Variants in SEL1L3 observed in about 807,000 individuals in gnomAD.
SEL1L3 encodes the protein protein sel-1 homolog 3.
Under a neutral mutation model 142.8 loss-of-function variants are expected in SEL1L3, and 76 were observed. That is an observed-to-expected ratio of 0.53 (90% CI 0.44 to 0.64). The LOEUF (loss-of-function observed/expected upper bound fraction) is 0.64, where lower values mean the gene tolerates loss of function less well. SEL1L3 is among the 30% of genes least tolerant of loss of function. The pLI is 0.00. For synonymous variants in SEL1L3, 504 were observed against 519.6 expected (o/e 0.97, Z 0.41); for missense variants, 1,262 against 1,381.7 (o/e 0.91, Z 1.37).
intron 23 of SEL1L3, chr4:25,756,514 G>A (rs1223639283): frequency 2.0e-6 from 2 of 979,762 alleles, no homozygotes; most frequent in Non-Finnish European, 2.4e-6. Flanking sequence ...TTCATTTTAT[G>A]TTCCTAGGAA....
intron 23 of SEL1L3, among the ~76,000 whole-genome samples, chr4:25,749,103 T>C (rs1460783764): frequency 6.6e-6 from 1 of 152,210 alleles, no homozygotes; most frequent in Non-Finnish European, 1.5e-5. Context: ...AAGCCTCATT[T>C]ATCTGCTGCT....
At chr4:25,826,599 G>A (rs1189509763) in intron 6 of SEL1L3, among the ~76,000 whole-genome samples, 1 of 152,104 alleles carries the variant, frequency 6.6e-6, no homozygotes, top group Non-Finnish European at 1.5e-5. Context: ...GGTCTCAGGA[G>A]TACAGGCAGG....
In SEL1L3 at chr4:25,757,702, G is replaced by T; in HGVS notation, c.3172C>A (p.Leu1058Met). The change falls in exon 22 of 24, where the codon CTG becomes ATG. Residue 1058 changes from leucine (L) to methionine (M), a missense_variant. By Grantham distance (15) the Leu-to-Met change is conservative. This residue lies in a region of SEL1L3 where 138 missense variants were observed against 129.7 expected (regional missense o/e 1.06). Transcript: ENST00000399878. ...ATGAAACCTACCAGGGCTGAGTGCA[G>T]GATAGCACCCCAGAGAAGCCGCAAG... The part of the protein sequence containing the change: ...LHLRLLWGAI[L>M]HSALIYFLGT... 6.3e-7 allele frequency: 1 copy of T among 1,593,706 alleles called. No individual in the cohort carries two copies. Among genetic ancestry groups the T allele is most frequent in the East Asian group, 2.3e-5 (1 of 43,846 alleles).
chr4:25,783,519 T>C (rs1332617261), intron 14 of SEL1L3, among the ~76,000 whole-genome samples: 1 of 152,242 alleles, frequency 6.6e-6, no homozygotes, highest in Admixed American at 6.5e-5. Context: ...TGTCTAGGTG[T>C]AGATTTACGG....
chr4:25,763,405 C>CCATTTA (rs1379351609), intron 20 of SEL1L3, among the ~76,000 whole-genome samples: 2 of 152,118 alleles, frequency 1.3e-5, no homozygotes, highest in Non-Finnish European at 2.9e-5. Flanking sequence ...CTTATTACCC[C>CCATTTA]CATTTACATT....
intron 12 of SEL1L3, among the ~76,000 whole-genome samples, chr4:25,789,078 G>T (rs1438633174): frequency 6.6e-6 from 1 of 152,136 alleles, no homozygotes; most frequent in African/African-American, 2.4e-5. Context: ...GTACTAGAAA[G>T]ACTGCAGACC....
Position 25,767,730 on chromosome 4 carries a change from A to G in SEL1L3, c.2760+10T>C. ...AGAGCTTCTACTCTGAGAAGAATACATTTACTTACTGGCCTCTCCTCACAG... is the reference window on the plus strand; with the variant it reads ...AGAGCTTCTACTCTGAGAAGAATACGTTTACTTACTGGCCTCTCCTCACAG... On this transcript the variant is annotated intron_variant, in intron 18 of 23. Transcript: ENST00000399878. 1 of 1,551,772 alleles carries G rather than the reference A, an allele frequency of 6.4e-7. No individual in the cohort carries two copies. Among genetic ancestry groups the G allele is most frequent in the African/African-American group, 1.4e-5 (1 of 73,764 alleles).
chr4:25,841,806 A>G (rs1238006261), intron 2 of SEL1L3, among the ~76,000 whole-genome samples: 1 of 152,158 alleles, frequency 6.6e-6, no homozygotes, highest in African/African-American at 2.4e-5. Context: ...CTGAAAATAC[A>G]AAAATTAGCT....
chr4:25,759,798 A>G (rs6819080), intron 20 of SEL1L3: 122,210 of 152,126 alleles, frequency 0.8, 49,494 homozygotes, highest in East Asian at 1. Flanking sequence ...CCTCCATCAC[A>G]AGCCGAGCAG....
intron 14 of SEL1L3, among the ~76,000 whole-genome samples, chr4:25,782,775 C>G (rs1208563262): frequency 6.6e-6 from 1 of 152,144 alleles, no homozygotes; most frequent in African/African-American, 2.4e-5. Context: ...GAACGCTCAA[C>G]TGAGGCCTGA....
intron 17 of SEL1L3, among the ~76,000 whole-genome samples, chr4:25,768,088 T>G (rs774789516): frequency 6.6e-6 from 1 of 152,182 alleles, no homozygotes; most frequent in Non-Finnish European, 1.5e-5. Context: ...GAAGGGCATG[T>G]CGGATGTTGG....
intron 20 of SEL1L3, among the ~76,000 whole-genome samples, chr4:25,761,112 T>C (rs1251278451): frequency 2.6e-5 from 4 of 152,182 alleles, no homozygotes; most frequent in Non-Finnish European, 5.9e-5. Context: ...AAATAGACTA[T>C]TTCTGCACTC....
chr4:25,730,347 A>T, the SEL1L3 span, among the ~76,000 whole-genome samples: 12 of 150,032 alleles, frequency 8.0e-5, no homozygotes, highest in East Asian at 2.2e-3. Context: ...AACTTTTATT[A>T]TTTTTTTTTT....
At position 25,759,030 on chromosome 4, in the gene SEL1L3, C is replaced by T. The variant is rs775288846; in HGVS notation, c.2994G>A (p.Thr998=). The T allele has an allele frequency of 9.9e-6, 16 of 1,613,690 alleles. No individual in the cohort carries two copies. In the East Asian group the frequency reaches 1.6e-4, roughly 16 times the overall value. Residue 998 remains threonine, a synonymous_variant, in exon 21 of 24, where the codon ACG becomes ACA. Coordinates refer to ENST00000399878, the MANE Select transcript of SEL1L3 (RefSeq NM_015187.5). ...FNLALLIEEG[T]IIPHHILDFL... is the part of the protein sequence containing the mutation. ...AATCCAAGATATGGTGTGGGATTATCGTACCTTCCTCGATTAGCAGGGCCA... is the reference window on the plus strand; with the variant it reads ...AATCCAAGATATGGTGTGGGATTATTGTACCTTCCTCGATTAGCAGGGCCA...
At chr4:25,821,173 T>C (rs1003590077) in intron 7 of SEL1L3, among the ~76,000 whole-genome samples, 8 of 152,212 alleles carry the variant, frequency 5.3e-5, no homozygotes, top group Non-Finnish European at 1.0e-4. Flanking sequence ...TTCATTTTTT[T>C]CCCTTTTCAC....
At position 25,798,685 on chromosome 4, in the gene SEL1L3, G is replaced by A. The variant is rs371080223; in HGVS notation, c.1956+3598C>T. ...TTCCCTAAAAATACAAAAATTAGCC[G>A]GGCGTGGTGGCACATGCCTGTAGTC... On this transcript the variant is annotated intron_variant, in intron 11 of 23. Coordinates refer to ENST00000399878, the MANE Select transcript of SEL1L3 (RefSeq NM_015187.5). Among the ~76,000 whole-genome samples, 397 of 152,226 alleles carry A rather than the reference G, an allele frequency of 2.6e-3. 2 individuals carry two copies. Among genetic ancestry groups the A allele is most frequent in the African/African-American group, 8.6e-3 (358 of 41,546 alleles).
intron 6 of SEL1L3, among the ~76,000 whole-genome samples, chr4:25,823,318 C>A (rs954353396): frequency 1.3e-5 from 2 of 152,092 alleles, no homozygotes; most frequent in Non-Finnish European, 2.9e-5. Flanking sequence ...GAGTTCAAGA[C>A]CAGCCTGGCC....
chr4:25,760,729 T>C (rs1330348205), intron 20 of SEL1L3, among the ~76,000 whole-genome samples: 2 of 152,222 alleles, frequency 1.3e-5, no homozygotes, highest in East Asian at 3.8e-4. Flanking sequence ...CCAGGTTGCA[T>C]ACTCCAGGAC....
At chr4:25,776,421 C>T in intron 16 of SEL1L3, 61 bp from the exon 17 acceptor site, 1 of 1,163,836 alleles carries the variant, frequency 8.6e-7, no homozygotes, top group Non-Finnish European at 1.3e-6. Flanking sequence ...AAATGTTTTT[C>T]TTCATATGCT....
Sources: allele counts gnomAD v4.1 joint callset (sites outside exome capture counted in the v4.1 genomes callset), GRCh38; gene constraint gnomAD v4.1.1; regional missense constraint gnomAD v4.1.1; transcripts MANE v1.5; gene names NCBI Gene and HGNC (gene_info 2026-07-23, HGNC 2026-07-21).